The following MAD2L2 variants were observed in gnomAD, a reference collection of about 807,000 sequenced individuals.
The protein encoded by MAD2L2 is mitotic arrest deficient 2 like 2.
In MAD2L2, 17 loss-of-function variants were observed where a neutral mutation model predicts 30.5. The observed-to-expected ratio is 0.56, with a 90% CI of 0.38 to 0.84. MAD2L2 has a LOEUF of 0.84. MAD2L2 is among the 40% of genes least tolerant of loss of function. MAD2L2 has a pLI of 0.00. For synonymous variants in MAD2L2, 101 were observed against 113.9 expected, an observed-to-expected ratio of 0.89 and a Z score of 0.72; for missense variants, 213 against 277.4, an observed-to-expected ratio of 0.77 and a Z score of 1.65.
At chr1:11,681,222 C>T (rs1640873953), upstream of MAD2L2, 1 of 152,256 alleles carries the variant, frequency 6.6e-6, no homozygotes, top group Non-Finnish European at 1.5e-5. Flanking sequence ...CGGCCCAAAC[C>T]GGGCCTCGCA....
At position 11,675,146 on chromosome 1, in the gene MAD2L2, T is replaced by G. The variant is rs1425809112; in HGVS notation, c.530A>C (p.Gln177Pro). 3 of 1,603,670 alleles carry G rather than the reference T, an allele frequency of 1.9e-6. No homozygotes were observed. The African/African-American group carries it at 4.0e-5, about 22-fold the overall frequency. Reference sequence around the variant, plus strand: ...CCGGGGGTCATGCATGTGGACATCCTGCTCATCCGCCAGGATCCAGGGGAA... The same window carrying G: ...CCGGGGGTCATGCATGTGGACATCCGGCTCATCCGCCAGGATCCAGGGGAA... ...KDFPWILADE[Q>P]DVHMHDPRLI... is the part of the protein sequence containing the mutation. The change falls in exon 8 of 9, where the codon CAG (glutamine) becomes CCG (proline). Residue 177 changes from glutamine to proline, a missense_variant. Gln to Pro is a moderately conservative substitution (Grantham distance 76, BLOSUM62 -1). Transcript: ENST00000376692.
chr1:11,675,819 C>G (rs1453202065), intron 6 of MAD2L2, 88 bp from the exon 7 acceptor site: 1 of 1,164,142 alleles, frequency 8.6e-7, no homozygotes, highest in Non-Finnish European at 1.3e-6. Context: ...CTTGCTGGCT[C>G]AGCAGCACCC....
At chr1:11,684,929 T>TC (rs1491542569), upstream of MAD2L2, among the ~76,000 whole-genome samples, 9 of 7,172 alleles carry the variant, frequency 1.3e-3, no homozygotes, top group African/African-American at 3.5e-3. Flanking sequence ...TCTCTCTCTC[T>TC]TTTTTTTTTT....
chr1:11,677,706 G>C lies in MAD2L2; in HGVS notation c.160-92C>G, dbSNP rs557890629. The C allele has an allele frequency of 4.8e-6, 5 of 1,039,404 alleles. No individual in the cohort carries two copies. The Admixed American group carries it at 8.4e-5, about 17-fold the overall frequency. The allele number at this position is 1,039,404 out of a possible 1,614,324, so 64.4% of individuals were successfully genotyped here. On this transcript the variant is annotated intron_variant, in intron 3 of 8. Transcript: ENST00000376692. ...GGAGCCTAAGGCCCCATCTGCCTTC[G>C]GTCCGAGGCCCAGCAGCTCTCCAGG...
At chr1:11,682,595 C>A (rs1344898526), upstream of MAD2L2, among the ~76,000 whole-genome samples, 1 of 152,052 alleles carries the variant, frequency 6.6e-6, no homozygotes, top group African/African-American at 2.4e-5. Flanking sequence ...CAGAATCCCC[C>A]AGGAGCCCAT....
chr1:11,691,322 C>T (rs6700817), intron 1 of MAD2L2: 27,366 of 152,218 alleles, frequency 0.18, 4,159 homozygotes, highest in African/African-American at 0.42. Flanking sequence ...TTGTCGCCCG[C>T]CCTGCGCGGG....
Position 11,674,626 on chromosome 1 carries a change from C to G in MAD2L2, c.*149G>C. 1.3e-6 allele frequency: 1 copy of G among 768,884 alleles called. No individual in the cohort carries two copies. Among genetic ancestry groups the G allele is most frequent in the Non-Finnish European group, 2.2e-6 (1 of 464,102 alleles). The allele number at this position is 768,884 out of a possible 1,614,324, so 47.6% of individuals were successfully genotyped here. ...CCTCCTGGGGGAGGCATCCTCCAAGCAGACCTGAGCGGCCCCGGGCTGGGG... is the reference window on the plus strand; with the variant it reads ...CCTCCTGGGGGAGGCATCCTCCAAGGAGACCTGAGCGGCCCCGGGCTGGGG... On this transcript the variant is annotated 3_prime_UTR_variant, in exon 9 of 9. Coordinates refer to ENST00000376692, the MANE Select transcript of MAD2L2 (RefSeq NM_006341.4). The surrounding 1 kb of genome is among the most constrained non-coding windows in gnomAD (Gnocchi z 6.1).
chr1:11,682,809 TC>T (rs1407374531), upstream of MAD2L2, among the ~76,000 whole-genome samples: 1 of 152,108 alleles, frequency 6.6e-6, no homozygotes, highest in Non-Finnish European at 1.5e-5. Context: ...AAATCATCCA[TC>T]CAAAGGGATG....
At chr1:11,677,722 G>T in intron 3 of MAD2L2, 108 bp from the exon 4 acceptor site, 1 of 818,276 alleles carries the variant, frequency 1.2e-6, no homozygotes, top group Non-Finnish European at 2.0e-6. Context: ...AGGCCCAGCA[G>T]CTCTCCAGGG....
intron 3 of MAD2L2, among the ~76,000 whole-genome samples, chr1:11,679,943 A>G (rs1640838083): frequency 6.8e-6 from 1 of 146,258 alleles, no homozygotes; most frequent in South Asian, 2.2e-4. Flanking sequence ...AGGCATGGGC[A>G]GGGCCCTGCG....
rs1328903719 is a variant in MAD2L2 at position 11,677,140 on chromosome 1, G to GGCT, written c.232-195_232-193dup. The GGCT allele has an allele frequency of 3.6e-5, 23 of 631,542 alleles. No individual in the cohort carries two copies. In the African/African-American group the frequency reaches 3.9e-4, roughly 11 times the overall value. The allele number at this position is 631,542 out of a possible 1,614,324, so 39.1% of individuals were successfully genotyped here. Reference sequence around the variant, plus strand: ...GGCACCCTCCAGCATGAGTGGTGTAGGCTGAGAGAATGCCCGGGCCCCATA... The same window carrying GGCT: ...GGCACCCTCCAGCATGAGTGGTGTAGGCTGCTGAGAGAATGCCCGGGCCCCATA... On this transcript the variant is annotated intron_variant, in intron 4 of 8. Coordinates refer to ENST00000376692, the MANE Select transcript of MAD2L2 (RefSeq NM_006341.4).
chr1:11,687,779 A>G lies in MAD2L2; in HGVS notation c.-692+3634T>C, dbSNP rs1294232769. Among the ~76,000 whole-genome samples the G allele has an allele frequency of 6.6e-6, 1 of 152,262 alleles. No individual in the cohort carries two copies. Among genetic ancestry groups the G allele is most frequent in the Non-Finnish European group, 1.5e-5 (1 of 68,042 alleles). On this transcript the variant is annotated intron_variant, in intron 1 of 10. Transcript: ENST00000235310. This position sits in a 1 kb window ranked among gnomAD's most constrained non-coding sequence, Gnocchi z 4.1. ...AGCATAATGTTTTCAAGATTCATCC[A>G]GGTCGAATCACATATTGATACTTCA...
chr1:11,676,755 A>AGG lies in MAD2L2; in HGVS notation c.332+92_332+93insCC, dbSNP rs1570285474. ...TTGCCCTTTCTCCTCCCAGGCCTTT[A>AGG]CCAAGGTATTCAAGGGCCGCCTTAA... is the stretch of plus-strand genomic sequence containing the variant. On this transcript the variant is annotated intron_variant, in intron 5 of 8. Coordinates refer to ENST00000376692, the MANE Select transcript of MAD2L2 (RefSeq NM_006341.4). 1.9e-5 allele frequency: 18 copies of AGG among 958,904 alleles called. No individual in the cohort carries two copies. The East Asian group carries it at 4.4e-4, about 23-fold the overall frequency. The allele number at this position is 958,904 out of a possible 1,614,324, so 59.4% of individuals were successfully genotyped here. A position where few individuals can be genotyped will look rare whatever the true frequency, so the allele number is the denominator to read the frequency against.
intron 1 of MAD2L2, among the ~76,000 whole-genome samples, chr1:11,689,489 G>A (rs1161988639): frequency 6.6e-6 from 1 of 152,002 alleles, no homozygotes; most frequent in Non-Finnish European, 1.5e-5. Context: ...CCAGCTACTC[G>A]GGAGGCTGAG....
Position 11,677,526 on chromosome 1 carries a change from G to A in MAD2L2, c.231+17C>T. 6.2e-7 allele frequency: 1 copy of A among 1,612,458 alleles called. No homozygotes were observed. The highest frequency in any genetic ancestry group is 8.5e-7 in the Non-Finnish European group (1 of 1,178,676). ...GAGCATGGGGTGAGATGGCTGGGGA[G>A]CCCAGTGCACCCTCACCTTCTCCAG... On this transcript the variant is annotated intron_variant, in intron 4 of 8. Transcript: ENST00000376692.
At chr1:11,675,052 TAAAG>T in intron 8 of MAD2L2, 26 bp downstream of exon 8, 1 of 1,541,752 alleles carries the variant, frequency 6.5e-7, no homozygotes, top group Non-Finnish European at 8.8e-7. Context: ...AGCCCCTAAA[TAAAG>T]CTTCCCGGGT....
chr1:11,675,200 G>A (rs753638968), intron 7 of MAD2L2, 26 bp from the exon 8 acceptor site: 2 of 1,528,990 alleles, frequency 1.3e-6, no homozygotes, highest in African/African-American at 2.8e-5. Flanking sequence ...AGGTCAGGGG[G>A]GTGACGGGGC....
At position 11,674,955 on chromosome 1, in the gene MAD2L2, T is replaced by C. The variant is rs1640731586; in HGVS notation, c.594+127A>G. Reference sequence around the variant, plus strand: ...TAGCCATGGTGGAGAAGAGTAGAGATGGGAGGAGCCCTCCACCAGGCACTC... The same window carrying C: ...TAGCCATGGTGGAGAAGAGTAGAGACGGGAGGAGCCCTCCACCAGGCACTC... On this transcript the variant is annotated intron_variant, in intron 8 of 8. Coordinates refer to ENST00000376692, the MANE Select transcript of MAD2L2 (RefSeq NM_006341.4). The surrounding 1 kb of genome is among the most constrained non-coding windows in gnomAD (Gnocchi z 6.1). 2 of 1,277,764 alleles carry C rather than the reference T, an allele frequency of 1.6e-6. No individual in the cohort carries two copies. Among genetic ancestry groups the C allele is most frequent in the Non-Finnish European group, 2.2e-6 (2 of 893,994 alleles). The allele number at this position is 1,277,764 out of a possible 1,614,324, so 79.2% of individuals were successfully genotyped here.
rs199649788 is a variant in MAD2L2, at chr1:11,680,590, G to A, written c.12C>T (p.Leu4=). Residue 4 remains leucine, a synonymous_variant, in exon 2 of 9, where the codon CTC becomes CTT. Coordinates refer to ENST00000376692, the MANE Select transcript of MAD2L2 (RefSeq NM_006341.4). ...GGCCAAAGTTGAGGTCTTGTCGTGT[G>A]AGCGTGGTCATCCTTCCCGCTACCT... MTT[L]TRQDLNFGQV... 1.2e-5 allele frequency: 19 copies of A among 1,578,412 alleles called. No individual in the cohort carries two copies. In the South Asian group the frequency reaches 1.8e-4, roughly 15 times the overall value.
Sources: gnomAD v4.1 joint callset for allele counts (sites outside exome capture counted in the v4.1 genomes callset) on GRCh38, gnomAD v4.1.1 for gene constraint, Gnocchi (gnomAD v3.1) non-coding constraint, MANE v1.5 for transcripts, NCBI Gene and HGNC (gene_info 2026-07-23, HGNC 2026-07-21) for gene names.